The following WDR64 variants were observed in gnomAD, a reference collection of about 807,000 sequenced individuals.
WDR64 encodes WD repeat domain 64.
WDR64 carries 112 observed loss-of-function variants against 139.3 expected under a neutral mutation model. The ratio of observed to expected loss-of-function variants is 0.80; its 90% CI spans 0.69 to 0.94. The LOEUF (loss-of-function observed/expected upper bound fraction) is 0.94, where lower values mean the gene tolerates loss of function less well. Among genes scored for constraint, WDR64 ranks in the 40% least tolerant of loss-of-function variants. The probability of loss-of-function intolerance (pLI) is 0.00; values close to 1 mark genes in which losing one functional copy is unlikely to be tolerated. For missense variants in WDR64, 1,206 were observed against 1,293.1 expected, an observed-to-expected ratio of 0.93 and a Z score of 1.03; for synonymous variants, 444 against 437.7, an observed-to-expected ratio of 1.01 and a Z score of -0.18.
intron 1 of WDR64, among the ~76,000 whole-genome samples, chr1:241,654,389 A>C (rs1320422235): frequency 6.6e-6 from 1 of 152,190 alleles, no homozygotes; most frequent in Non-Finnish European, 1.5e-5. Flanking sequence ...TTTGCTGAAA[A>C]TGCTCTAACC....
intron 10 of WDR64, among the ~76,000 whole-genome samples, chr1:241,726,186 G>A (rs1208075314): frequency 6.6e-6 from 1 of 151,940 alleles, no homozygotes; most frequent in Admixed American, 6.6e-5. Flanking sequence ...ATGGCACTGG[G>A]CCAATCGTTT....
chr1:241,772,834 A>G lies in WDR64; in HGVS notation c.2333A>G (p.Asp778Gly). The G allele has an allele frequency of 6.4e-7, 1 of 1,552,140 alleles. No individual in the cohort carries two copies. The highest frequency in any genetic ancestry group is 1.2e-5 in the South Asian group (1 of 84,056). ...DVMVGKQQPMDKKHPGIANLP... is the reference protein window; with the variant it reads ...DVMVGKQQPMGKKHPGIANLP... ...ATGGTGGGAAAGCAACAGCCAATGG[A>G]CAAAAAACACCCTGGAATTGCCAAT... is the stretch of plus-strand genomic sequence containing the variant. The change falls in exon 20 of 28, where the codon GAC (aspartate) becomes GGC (glycine). Residue 778 changes from aspartate (D) to glycine (G), a missense_variant. Coordinates refer to ENST00000437684, the MANE Select transcript of WDR64 (RefSeq NM_001367482.1).
chr1:241,732,545 C>T (rs1415305843), intron 10 of WDR64, among the ~76,000 whole-genome samples: 6 of 152,174 alleles, frequency 3.9e-5, no homozygotes, highest in East Asian at 1.9e-4. Context: ...CCTGGCTGGG[C>T]GCAGTGGCTC....
At chr1:241,740,651 C>CTT (rs1160764811) in intron 11 of WDR64, among the ~76,000 whole-genome samples, 25 of 144,856 alleles carry the variant, frequency 1.7e-4, no homozygotes, top group Non-Finnish European at 2.7e-4. Context: ...CTCTGAGATT[C>CTT]TTTTTTTTTT....
intron 2 of WDR64, among the ~76,000 whole-genome samples, chr1:241,667,348 G>C (rs938951326): frequency 6.6e-6 from 1 of 152,158 alleles, no homozygotes; most frequent in African/African-American, 2.4e-5. Flanking sequence ...TATAAAATGA[G>C]GGTGTGACTG....
intron 4 of WDR64, chr1:241,676,024 C>A (rs1464193065): frequency 6.6e-6 from 1 of 152,126 alleles, no homozygotes; most frequent in East Asian, 1.9e-4. Context: ...AAGCTTTATG[C>A]AAGTAAAATA....
chr1:241,687,555 TC>T lies in WDR64; in HGVS notation c.935del (p.Ser312TyrfsTer2). 1 of 1,612,180 alleles carries T rather than the reference TC, an allele frequency of 6.2e-7. No individual in the cohort carries two copies. Among genetic ancestry groups the T allele is most frequent in the Non-Finnish European group, 8.5e-7 (1 of 1,179,658 alleles). The part of the protein sequence containing the change: ...FGSCSLDSNH[S>X]LVLESLKRLE... ...ATCCTGCTCCTTAGACAGTAATCAT[TC>T]ATTAGTTTTGGAATCCTTGAAGAGA... On this transcript the variant is annotated frameshift_variant, in exon 8 of 28. Coordinates refer to ENST00000437684, the MANE Select transcript of WDR64 (RefSeq NM_001367482.1). LOFTEE classifies it high-confidence loss of function.
chr1:241,799,256 C>T (rs1018631065), intron 27 of WDR64, among the ~76,000 whole-genome samples: 24 of 139,396 alleles, frequency 1.7e-4, no homozygotes, highest in Non-Finnish European at 3.3e-4. Flanking sequence ...TGGTGCACAC[C>T]TGTAGTCCCA....
chr1:241,663,650 C>A (rs963610725), intron 2 of WDR64, among the ~76,000 whole-genome samples: 2 of 152,304 alleles, frequency 1.3e-5, no homozygotes, highest in East Asian at 3.9e-4. Flanking sequence ...AGAGTGGGGC[C>A]TTCCAAAGCT....
At chr1:241,800,458 C>A (rs575485122) in intron 27 of WDR64, among the ~76,000 whole-genome samples, 1 of 152,164 alleles carries the variant, frequency 6.6e-6, no homozygotes, top group South Asian at 2.1e-4. Flanking sequence ...ATTTTTATAC[C>A]TATTTCTTCC....
intron 19 of WDR64, among the ~76,000 whole-genome samples, chr1:241,772,173 A>G (rs777087258): frequency 4.0e-5 from 6 of 149,318 alleles, no homozygotes; most frequent in Middle Eastern, 3.5e-3. Context: ...TTCTGTATGT[A>G]TAAGATTTAT....
At chr1:241,655,159 C>T (rs559985283) in intron 1 of WDR64, among the ~76,000 whole-genome samples, 17 of 152,180 alleles carry the variant, frequency 1.1e-4, no homozygotes, top group Admixed American at 2.0e-4. Context: ...CCAAGGTGGG[C>T]GGATCACGAA....
intron 1 of WDR64, among the ~76,000 whole-genome samples, chr1:241,659,786 T>G (rs1665750837): frequency 6.6e-6 from 1 of 152,196 alleles, no homozygotes. Flanking sequence ...TTGCTTAAGT[T>G]CCTTGTAGAT....
intron 7 of WDR64, among the ~76,000 whole-genome samples, chr1:241,687,018 A>G (rs1302697763): frequency 2.6e-5 from 4 of 152,130 alleles, no homozygotes; most frequent in African/African-American, 7.2e-5. Flanking sequence ...AAACAGTTAA[A>G]AGTGGGCCAG....
chr1:241,699,228 G>A (rs1321925441), intron 8 of WDR64, among the ~76,000 whole-genome samples: 16 of 152,126 alleles, frequency 1.1e-4, no homozygotes, highest in Non-Finnish European at 8.8e-5. Context: ...TATGTTGAAA[G>A]ATGTGTCTTT....
At chr1:241,745,456 A>G (rs975381881) in intron 13 of WDR64, among the ~76,000 whole-genome samples, 1 of 151,030 alleles carries the variant, frequency 6.6e-6, no homozygotes, top group Non-Finnish European at 1.5e-5. Flanking sequence ...CAATGTACAC[A>G]ATTATTATCA....
At chr1:241,708,964 G>C (rs1279143407) in intron 8 of WDR64, among the ~76,000 whole-genome samples, 1 of 152,082 alleles carries the variant, frequency 6.6e-6, no homozygotes, top group African/African-American at 2.4e-5. Flanking sequence ...TGTATATACA[G>C]GTCTAAGGAT....
intron 1 of WDR64, among the ~76,000 whole-genome samples, chr1:241,653,361 AGT>A (rs1665438792): frequency 6.6e-6 from 1 of 152,206 alleles, no homozygotes; most frequent in Non-Finnish European, 1.5e-5. Context: ...CAGGCTGCAT[AGT>A]AATTTGTAAG....
chr1:241,748,938 TAAA>T (rs200155046), intron 13 of WDR64, among the ~76,000 whole-genome samples: 3 of 133,830 alleles, frequency 2.2e-5, no homozygotes. Context: ...ACTCTTGTCT[TAAA>T]AAAAAAAAAA....
Sources: gnomAD v4.1 joint callset for allele counts (sites outside exome capture counted in the v4.1 genomes callset) on GRCh38, gnomAD v4.1.1 for gene constraint, MANE v1.5 for transcripts, NCBI Gene and HGNC (gene_info 2026-07-23, HGNC 2026-07-21) for gene names.